The following PCDH15 variants were observed in gnomAD, a reference collection of about 807,000 sequenced individuals.
PCDH15 encodes the protein protocadherin-15.
Under a neutral mutation model 178.5 loss-of-function variants are expected in PCDH15, and 129 were observed. The ratio of observed to expected loss-of-function variants is 0.72; its 90% CI spans 0.63 to 0.84. The LOEUF (loss-of-function observed/expected upper bound fraction) is 0.84, where lower values mean the gene tolerates loss of function less well. Ranked by LOEUF, PCDH15 falls within the 40% of genes least tolerant of loss-of-function variation. The pLI is 0.00. For missense variants in PCDH15, 2,230 were observed against 2,099.9 expected (o/e 1.06, Z -1.21); for synonymous variants, 800 against 732.0 (o/e 1.09, Z -1.50).
At chr10:54,086,524 T>C (rs2094519516) in intron 16 of PCDH15, among the ~76,000 whole-genome samples, 1 of 152,160 alleles carries the variant, frequency 6.6e-6, no homozygotes, top group Non-Finnish European at 1.5e-5. Flanking sequence ...GTTTTGAACA[T>C]GAATCTCAGA....
At chr10:55,341,533 G>C (rs2131954145) in intron 2 of PCDH15, among the ~76,000 whole-genome samples, 1 of 149,398 alleles carries the variant, frequency 6.7e-6, no homozygotes, top group South Asian at 2.1e-4. Context: ...CATCTTATGA[G>C]GTAGACACTA....
At chr10:54,485,176 C>G (rs1012987104) in intron 3 of PCDH15, among the ~76,000 whole-genome samples, 1 of 151,618 alleles carries the variant, frequency 6.6e-6, no homozygotes, top group Non-Finnish European at 1.5e-5. Flanking sequence ...CAGAAGTAAT[C>G]CCTGCTAATA....
At chr10:53,824,732 A>G (rs1425509696) in intron 32 of PCDH15, among the ~76,000 whole-genome samples, 1 of 152,106 alleles carries the variant, frequency 6.6e-6, no homozygotes, top group Non-Finnish European at 1.5e-5. Context: ...GTAAACAAAC[A>G]TTTGTTCGTG....
intron 2 of PCDH15, among the ~76,000 whole-genome samples, chr10:55,457,956 A>C (rs1333630313): frequency 6.6e-6 from 1 of 152,118 alleles, no homozygotes; most frequent in African/African-American, 2.4e-5. Context: ...TTTAGAAAGC[A>C]CAGGCTTATT....
At chr10:54,100,147 C>G (rs1262380358) in intron 15 of PCDH15, among the ~76,000 whole-genome samples, 1 of 152,036 alleles carries the variant, frequency 6.6e-6, no homozygotes, top group Non-Finnish European at 1.5e-5. Flanking sequence ...GCGGGCAGAT[C>G]ACGATGTCAG....
chr10:54,346,735 C>T (rs753579547), intron 5 of PCDH15, among the ~76,000 whole-genome samples: 8 of 152,194 alleles, frequency 5.3e-5, no homozygotes, highest in Non-Finnish European at 1.2e-4. Context: ...GTGTTAAACA[C>T]ATTTGGACCA....
At chr10:55,533,500 C>T (rs72788835) in intron 2 of PCDH15, among the ~76,000 whole-genome samples, 15 of 151,860 alleles carry the variant, frequency 9.9e-5, no homozygotes, top group Non-Finnish European at 1.8e-4. Context: ...AAATGAAATA[C>T]GTAGGAATAC....
chr10:55,151,915 G>GT (rs138980639), intron 2 of PCDH15, among the ~76,000 whole-genome samples: 13,953 of 151,794 alleles, frequency 0.092, 683 homozygotes, highest in South Asian at 0.13. Flanking sequence ...GAAAGGATGT[G>GT]TTTTTTTATT....
intron 3 of PCDH15, among the ~76,000 whole-genome samples, chr10:54,513,242 T>C (rs2081884561): frequency 1.7e-5 from 1 of 58,590 alleles, no homozygotes; most frequent in South Asian, 5.3e-4. Flanking sequence ...TTTATTTTTG[T>C]TTATTTATTT....
chr10:55,277,594 A>G (rs1427046413), intron 1 of PCDH15, among the ~76,000 whole-genome samples: 1 of 152,124 alleles, frequency 6.6e-6, no homozygotes, highest in Admixed American at 6.5e-5. Flanking sequence ...CAAAACTAGT[A>G]TAATGACAGA....
intron 1 of PCDH15, among the ~76,000 whole-genome samples, chr10:55,244,162 C>A (rs556109356): frequency 6.6e-6 from 1 of 151,870 alleles, no homozygotes. Flanking sequence ...TCTCATAGTT[C>A]GAAATGAAAA....
intron 2 of PCDH15, among the ~76,000 whole-genome samples, chr10:54,920,038 T>C (rs1394510785): frequency 1.3e-5 from 2 of 152,210 alleles, no homozygotes; most frequent in Admixed American, 6.6e-5. Flanking sequence ...TATTCTTCCA[T>C]CTAATACATG....
At chr10:53,885,847 T>G (rs7899051) in intron 26 of PCDH15, among the ~76,000 whole-genome samples, 2,043 of 152,282 alleles carry the variant, frequency 0.013, 37 homozygotes, top group African/African-American at 0.046. Context: ...ATCTGGTGAC[T>G]TAATGGAGGA....
intron 23 of PCDH15, among the ~76,000 whole-genome samples, chr10:53,954,595 C>T (rs2384343): frequency 0.67 from 102,037 of 152,040 alleles, 34,759 homozygotes; most frequent in East Asian, 0.87. Context: ...TATTTTACTT[C>T]TGTGACCAAG....
chr10:55,595,477 C>T (rs1053176792), intron 2 of PCDH15, among the ~76,000 whole-genome samples: 8 of 152,194 alleles, frequency 5.3e-5, no homozygotes, highest in Middle Eastern at 3.4e-3. Context: ...GCTCCTGATA[C>T]AAAGCCACAT....
chr10:54,293,925 C>G (rs1258751955), intron 8 of PCDH15, among the ~76,000 whole-genome samples: 3 of 152,118 alleles, frequency 2.0e-5, no homozygotes, highest in African/African-American at 7.2e-5. Context: ...TCTTAAGGAT[C>G]TAGGACTAGA....
At chr10:54,386,098 A>C (rs1190213114) in intron 3 of PCDH15, among the ~76,000 whole-genome samples, 1 of 108,908 alleles carries the variant, frequency 9.2e-6, no homozygotes, top group African/African-American at 3.6e-5. Context: ...TTTAGTTATT[A>C]GTTGTGTGTG....
At chr10:55,028,621 G>A (rs770493670) in intron 2 of PCDH15, among the ~76,000 whole-genome samples, 7 of 151,846 alleles carry the variant, frequency 4.6e-5, no homozygotes, top group Non-Finnish European at 8.8e-5. Flanking sequence ...TTCTTGAAAT[G>A]TGATCATTAC....
intron 2 of PCDH15, among the ~76,000 whole-genome samples, chr10:55,347,229 TA>T (rs1844787221): frequency 6.6e-6 from 1 of 151,504 alleles, no homozygotes; most frequent in African/African-American, 2.4e-5. Flanking sequence ...AATAAATAAA[TA>T]AAAAATTTAA....
Sources: allele counts gnomAD v4.1 joint callset (sites outside exome capture counted in the v4.1 genomes callset), GRCh38; gene constraint gnomAD v4.1.1; transcripts MANE v1.5; gene names NCBI Gene and HGNC (gene_info 2026-07-23, HGNC 2026-07-21).